The following DHX36 variants were observed in gnomAD, a reference collection of about 807,000 sequenced individuals.
DHX36 encodes the protein DEAH-box helicase 36.
Under a neutral mutation model 139.0 loss-of-function variants are expected in DHX36, and 50 were observed. The observed-to-expected ratio is 0.36, with a 90% confidence interval of 0.29 to 0.46. The LOEUF (loss-of-function observed/expected upper bound fraction) is 0.46, where lower values mean the gene tolerates loss of function less well. Among genes scored for constraint, DHX36 ranks in the 20% least tolerant of loss-of-function variants. The pLI is 1.00. For synonymous variants in DHX36, 425 were observed against 401.9 expected, an observed-to-expected ratio of 1.06 and a Z score of -0.69; for missense variants, 1,024 against 1,211.3, an observed-to-expected ratio of 0.85 and a Z score of 2.29.
chr3:154,303,359 T>C lies in DHX36; in HGVS notation c.1187A>G (p.Tyr396Cys), dbSNP rs760718691. ...TTTTTCAATTACATCTTCCAAAAGA[T>C]ATTCCACAACCGGAAAGGTAAAACC... ...IPGFTFPVVE[Y>C]LLEDVIEKIR... The change falls in exon 9 of 25, where the codon TAT (tyrosine) becomes TGT (cysteine). Residue 396 changes from tyrosine to cysteine, a missense_variant. Coordinates refer to ENST00000496811, the MANE Select transcript of DHX36 (RefSeq NM_020865.3). 2 of 1,607,762 alleles carry C rather than the reference T, an allele frequency of 1.2e-6. No individual in the cohort carries two copies. Among genetic ancestry groups the C allele is most frequent in the Non-Finnish European group, 8.5e-7 (1 of 1,177,238 alleles).
At chr3:154,297,830 GA>G (rs1016774852) in intron 12 of DHX36, among the ~76,000 whole-genome samples, 3 of 151,720 alleles carry the variant, frequency 2.0e-5, no homozygotes, top group Admixed American at 6.6e-5. Context: ...ATATAATTGG[GA>G]AAAAAAATTT....
intron 1 of DHX36, among the ~76,000 whole-genome samples, chr3:154,318,893 T>A (rs530811241): frequency 7.2e-5 from 11 of 152,110 alleles, no homozygotes; most frequent in Non-Finnish European, 1.2e-4. Context: ...CCAGATATAA[T>A]TCTGGTACAT....
chr3:154,303,856 T>TG (rs1302534263), intron 8 of DHX36, among the ~76,000 whole-genome samples: 5 of 152,186 alleles, frequency 3.3e-5, no homozygotes, highest in African/African-American at 1.2e-4. Flanking sequence ...ACAAATAGAT[T>TG]GTTACTATTT....
intron 1 of DHX36, among the ~76,000 whole-genome samples, chr3:154,322,938 T>C (rs1382267893): frequency 6.6e-6 from 1 of 152,204 alleles, no homozygotes; most frequent in Non-Finnish European, 1.5e-5. Context: ...ATTTGTTTTT[T>C]AAAGAAAAGT....
chr3:154,283,025 G>A (rs1194449053), intron 20 of DHX36, among the ~76,000 whole-genome samples, 163 bp downstream of exon 20: 1 of 151,978 alleles, frequency 6.6e-6, no homozygotes, highest in East Asian at 1.9e-4. Context: ...TTGTTTTGTT[G>A]CAGTTGATTT....
intron 20 of DHX36, among the ~76,000 whole-genome samples, 162 bp downstream of exon 20, chr3:154,283,026 C>T (rs1257252545): frequency 6.6e-6 from 1 of 152,078 alleles, no homozygotes; most frequent in Non-Finnish European, 1.5e-5. Flanking sequence ...TGTTTTGTTG[C>T]AGTTGATTTC....
rs1285247829 is a variant in DHX36, at chr3:154,324,457, G to A, written c.-41C>T. On this transcript the variant is annotated 5_prime_UTR_variant, in exon 1 of 25. Coordinates refer to ENST00000496811, the MANE Select transcript of DHX36 (RefSeq NM_020865.3). ...CAACCCGTCAGAACCAGCAACCGCTGGAAATGGCGTCCGGGCCCGGAAGCC... is the reference window on the plus strand; with the variant it reads ...CAACCCGTCAGAACCAGCAACCGCTAGAAATGGCGTCCGGGCCCGGAAGCC... 9.0e-6 allele frequency: 13 copies of A among 1,447,898 alleles called. No individual in the cohort carries two copies. Among genetic ancestry groups the A allele is most frequent in the East Asian group, 2.5e-5 (1 of 40,162 alleles). The allele number at this position is 1,447,898 out of a possible 1,614,324, so 89.7% of individuals were successfully genotyped here.
At chr3:154,303,267 G>T in intron 9 of DHX36, 62 bp downstream of exon 9, 3 of 1,203,872 alleles carry the variant, frequency 2.5e-6, no homozygotes, top group South Asian at 1.4e-5. Context: ...ACTAAAGTTT[G>T]ACATGAGAAA....
At chr3:154,282,227 T>C (rs1238886347) in intron 20 of DHX36, among the ~76,000 whole-genome samples, 1 of 152,184 alleles carries the variant, frequency 6.6e-6, no homozygotes, top group Non-Finnish European at 1.5e-5. Context: ...TCATAATGGA[T>C]GAGTCCTGTC....
intron 1 of DHX36, chr3:154,319,425 C>T (rs552060400): frequency 1.4e-4 from 22 of 152,260 alleles, no homozygotes; most frequent in Admixed American, 5.2e-4. Flanking sequence ...CCTCAGCATT[C>T]ACACGCAGTT....
rs1712255049 is a variant in DHX36, at chr3:154,301,061, A to G, written c.1284T>C (p.Asn428=). The G allele has an allele frequency of 6.2e-7, 1 of 1,613,302 alleles. No homozygotes were observed. Among genetic ancestry groups the G allele is most frequent in the Non-Finnish European group, 8.5e-7 (1 of 1,179,836 alleles). ...FKRGFMQGHV[N]RQEKEEKEAI... is the part of the protein sequence containing the mutation. ...CTTCTTTTTCTTCTTTTTCTTGTCT[A>G]TTTACATGCCCTTGCATGAAACCCC... Residue 428 remains asparagine, a synonymous_variant, in exon 10 of 25, where the codon AAT becomes AAC. Coordinates refer to ENST00000496811, the MANE Select transcript of DHX36 (RefSeq NM_020865.3).
chr3:154,293,723 A>G, intron 14 of DHX36, 25 bp downstream of exon 14: 1 of 1,560,408 alleles, frequency 6.4e-7, no homozygotes, highest in South Asian at 1.1e-5. Context: ...AATCATCAGT[A>G]TTTGATATTT....
chr3:154,291,528 A>C (rs1275859269), intron 15 of DHX36, among the ~76,000 whole-genome samples: 1 of 152,164 alleles, frequency 6.6e-6, no homozygotes, highest in African/African-American at 2.4e-5. Flanking sequence ...GATTATTAGG[A>C]GGGTATACTT....
chr3:154,314,457 A>G lies in DHX36; in HGVS notation c.603+589T>C, dbSNP rs144791532. ...GAGTTTCCTCAGTAATTTCTCTTAA[A>G]CATATACATACATACATGAGACCAC... On this transcript the variant is annotated intron_variant, in intron 3 of 24. Coordinates refer to ENST00000496811, the MANE Select transcript of DHX36 (RefSeq NM_020865.3). 4.2e-3 allele frequency among the ~76,000 whole-genome samples: 645 copies of G among 152,300 alleles called. 4 individuals are homozygous for G. Among genetic ancestry groups the G allele is most frequent in the Middle Eastern group, 0.024 (7 of 294 alleles).
At chr3:154,283,666 T>TG (rs939092257) in intron 19 of DHX36, among the ~76,000 whole-genome samples, 26 of 150,588 alleles carry the variant, frequency 1.7e-4, no homozygotes, top group African/African-American at 5.8e-4. Context: ...AGGAGGGAAA[T>TG]GGGGAAAAAG....
Position 154,316,157 on chromosome 3 carries a change from C to CAGT in DHX36, c.249_250insACT (p.Ala83_Val84insThr). ...TCTCGTCGTTCATCCATGTGTACTACAGCTCTCTAGTTTGTGCAAAGAAAA... is the reference window on the plus strand; with the variant it reads ...TCTCGTCGTTCATCCATGTGTACTACAGTAGCTCTCTAGTTTGTGCAAAGAAAA... On this transcript the variant is annotated inframe_insertion, in exon 2 of 25. Transcript: ENST00000496811. The CAGT allele has an allele frequency of 6.2e-7, 1 of 1,612,796 alleles. No individual in the cohort carries two copies. Among genetic ancestry groups the CAGT allele is most frequent in the Non-Finnish European group, 8.5e-7 (1 of 1,179,334 alleles).
intron 15 of DHX36, among the ~76,000 whole-genome samples, chr3:154,290,284 T>C (rs1404143100): frequency 6.6e-6 from 1 of 152,166 alleles, no homozygotes; most frequent in Admixed American, 6.5e-5. Context: ...ATATTAAAAG[T>C]TTCTGTTTTA....
At chr3:154,318,108 C>T (rs995405269) in intron 1 of DHX36, among the ~76,000 whole-genome samples, 59 of 152,044 alleles carry the variant, frequency 3.9e-4, no homozygotes, top group Non-Finnish European at 8.7e-4. Context: ...CATTCTAATT[C>T]TAATCAGTAT....
chr3:154,304,255 A>G (rs182864753), intron 8 of DHX36, among the ~76,000 whole-genome samples: 5 of 152,274 alleles, frequency 3.3e-5, no homozygotes, highest in Admixed American at 2.0e-4. Context: ...GACAGTGAGG[A>G]TTAATTTTAA....
Sources: allele counts gnomAD v4.1 joint callset (sites outside exome capture counted in the v4.1 genomes callset), GRCh38; gene constraint gnomAD v4.1.1; transcripts MANE v1.5; gene names NCBI Gene and HGNC (gene_info 2026-07-23, HGNC 2026-07-21).